FAM174B: variants seen among roughly 807,000 people sequenced by gnomAD.
FAM174B encodes the protein membrane protein FAM174B.
In FAM174B, 12 loss-of-function variants were observed where a neutral mutation model predicts 10.9. That is an observed-to-expected ratio of 1.10 (90% CI 0.71 to 1.79). The LOEUF is 1.79. Among genes scored for constraint, FAM174B ranks in the 40% most tolerant of loss-of-function variants. The probability of loss-of-function intolerance (pLI) is 0.00; values close to 1 mark genes in which losing one functional copy is unlikely to be tolerated. For missense variants in FAM174B, 266 were observed against 233.3 expected (o/e 1.14, Z -0.91); for synonymous variants, 132 against 115.8 (o/e 1.14, Z -0.90).
chr15:92,627,238 C>T (rs886945441), intron 2 of FAM174B: 1 of 153,682 alleles, frequency 6.5e-6, no homozygotes, highest in African/African-American at 2.4e-5. Context: ...CCAACCTGGA[C>T]TTTCAAAACA....
rs768378186 is a variant in FAM174B at position 92,655,308 on chromosome 15, G to A, written c.344+8C>T. ...CGGCGGGGGAAGGAAGAGGGCGGGA[G>A]GGCCCACCTGAAGACGCGCAGCAGC... On this transcript the variant is annotated splice_region_variant and intron_variant, in intron 1 of 2. Transcript: ENST00000327355. The A allele has an allele frequency of 1.4e-5, 21 of 1,552,674 alleles. No individual in the cohort carries two copies. In the African/African-American group the frequency reaches 1.6e-4, roughly 11 times the overall value.
intron 1 of FAM174B, among the ~76,000 whole-genome samples, chr15:92,635,295 G>A (rs2050847951): frequency 6.6e-6 from 1 of 152,018 alleles, no homozygotes; most frequent in South Asian, 2.1e-4. Context: ...ATAATGAGCT[G>A]GAGAAATTAC....
At chr15:92,621,811 A>G (rs777726919) in intron 2 of FAM174B, among the ~76,000 whole-genome samples, 31 of 151,992 alleles carry the variant, frequency 2.0e-4, no homozygotes, top group Non-Finnish European at 4.1e-4. Flanking sequence ...TCGGAGCCCA[A>G]GCACTCACAC....
intron 1 of FAM174B, among the ~76,000 whole-genome samples, chr15:92,652,363 G>A (rs1317809967): frequency 6.6e-6 from 1 of 152,170 alleles, no homozygotes; most frequent in Admixed American, 6.6e-5. Flanking sequence ...TGACAGAGGG[G>A]ACTCCAGGCA....
At chr15:92,635,473 G>T (rs1315840241) in intron 1 of FAM174B, among the ~76,000 whole-genome samples, 1 of 152,138 alleles carries the variant, frequency 6.6e-6, no homozygotes, top group Admixed American at 6.6e-5. Flanking sequence ...GTTGACAAGG[G>T]TCTTCGCGGA....
rs1353334804 is a variant in FAM174B at position 92,647,304 on chromosome 15, C to T, written c.344+8012G>A. 2.0e-5 allele frequency among the ~76,000 whole-genome samples: 3 copies of T among 152,212 alleles called. No homozygotes were observed. In the East Asian group the frequency reaches 5.8e-4, roughly 29 times the overall value. On this transcript the variant is annotated intron_variant, in intron 1 of 2. Coordinates refer to ENST00000327355, the MANE Select transcript of FAM174B (RefSeq NM_207446.3). ...CTAATCGTCCTCCTCCTCCACCATGCCTTCCCAGACCATTCTGGTCCCTGA... is the reference window on the plus strand; with the variant it reads ...CTAATCGTCCTCCTCCTCCACCATGTCTTCCCAGACCATTCTGGTCCCTGA...
intron 1 of FAM174B, 182 bp downstream of exon 1, chr15:92,655,134 G>A (rs1354104347): frequency 2.7e-6 from 2 of 741,204 alleles, no homozygotes; most frequent in South Asian, 3.9e-5. Context: ...CATGTACCAG[G>A]AAAATCCAGA....
rs1048786778 is a variant in FAM174B at position 92,618,573 on chromosome 15, T to A, written c.*883A>T. 1 of 152,662 alleles carries A rather than the reference T, an allele frequency of 6.6e-6. No homozygotes were observed. Among genetic ancestry groups the A allele is most frequent in the African/African-American group, 2.4e-5 (1 of 41,422 alleles). The allele number at this position is 152,662 out of a possible 1,614,324, so 9.5% of individuals were successfully genotyped here. On this transcript the variant is annotated 3_prime_UTR_variant, in exon 3 of 3. Transcript: ENST00000327355. Reference sequence around the variant, plus strand: ...AAATCACCGTTCATTTTTAAAATGGTTTTTAAAAATTACATTTCTAAGGCA... The same window carrying A: ...AAATCACCGTTCATTTTTAAAATGGATTTTAAAAATTACATTTCTAAGGCA...
chr15:92,635,122 C>CTCTG (rs1339651084), intron 1 of FAM174B, among the ~76,000 whole-genome samples: 1 of 28,414 alleles, frequency 3.5e-5, no homozygotes, highest in East Asian at 2.7e-3. Context: ...CTTTCTCTGT[C>CTCTG]TCTCTCTCTC....
rs182571434 is a variant in FAM174B at position 92,647,970 on chromosome 15, A to C, written c.344+7346T>G. ...GGTCTCCACAACCCCCCTTATCTTA[A>C]CTCAAGCATTCCTTTCTATTGACTT... On this transcript the variant is annotated intron_variant, in intron 1 of 2. Transcript: ENST00000327355. Among the ~76,000 whole-genome samples, 33 of 152,178 alleles carry C rather than the reference A, an allele frequency of 2.2e-4. No individual in the cohort carries two copies. In the East Asian group the frequency reaches 4.6e-3, roughly 21 times the overall value.
In FAM174B at chr15:92,655,596, G is replaced by A. The variant is rs1049887474; in HGVS notation, c.64C>T (p.Pro22Ser). The A allele has an allele frequency of 7.8e-7, 1 of 1,280,628 alleles. No individual in the cohort carries two copies. The highest frequency in any genetic ancestry group is 9.8e-7 in the Non-Finnish European group (1 of 1,016,278). 79.3% of individuals were successfully genotyped at this position (1,280,628 alleles called of 1,614,324 possible). ...TCGGCTCTGCTGGCGCGGGCGGCGG[G>A]AGCGGCCAGGAGCGCGAGCAGCAGC... The part of the protein sequence containing the change: ...PLLLLALLAA[P>S]AARASRAESV... Residue 22 changes from proline to serine, a missense_variant, in exon 1 of 3, where the codon CCC becomes TCC. By Grantham distance (74) the Pro-to-Ser change is moderately conservative. Coordinates refer to ENST00000327355, the MANE Select transcript of FAM174B (RefSeq NM_207446.3).
chr15:92,654,798 AAAAGAAG>A (rs1216231935), intron 1 of FAM174B, among the ~76,000 whole-genome samples: 1 of 149,904 alleles, frequency 6.7e-6, no homozygotes, highest in Non-Finnish European at 1.5e-5. Flanking sequence ...AAAAAAAAAA[AAAAGAAG>A]AAGAAGAAGA....
At chr15:92,627,295 C>A (rs2050759623) in intron 2 of FAM174B, 1 of 162,720 alleles carries the variant, frequency 6.1e-6, no homozygotes, top group Non-Finnish European at 1.5e-5. Context: ...AGGTGGTTTA[C>A]CTTTAGTAGT....
At chr15:92,631,688 C>G (rs1220191719) in intron 1 of FAM174B, among the ~76,000 whole-genome samples, 1 of 149,444 alleles carries the variant, frequency 6.7e-6, no homozygotes, top group East Asian at 2.0e-4. Flanking sequence ...TTTGTAGAGA[C>G]AGATTTCGCC....
chr15:92,624,682 G>C (rs1251788075), intron 2 of FAM174B, among the ~76,000 whole-genome samples: 1 of 152,238 alleles, frequency 6.6e-6, no homozygotes, highest in Non-Finnish European at 1.5e-5. Flanking sequence ...CTACCCACAA[G>C]AGGGTGGGAA....
intron 1 of FAM174B, among the ~76,000 whole-genome samples, chr15:92,650,334 C>G (rs961577464): frequency 2.0e-5 from 3 of 152,184 alleles, no homozygotes; most frequent in African/African-American, 7.2e-5. Context: ...CCACTGACAG[C>G]TGGGCAATGT....
intron 1 of FAM174B, among the ~76,000 whole-genome samples, chr15:92,631,229 A>AATATATTATATATTATATATT (rs1426598349): frequency 7.5e-4 from 2 of 2,680 alleles, no homozygotes; most frequent in Non-Finnish European, 9.4e-4. Context: ...TATTATATAT[A>AATATATTATATATTATATATT]ATATATTATA....
intron 1 of FAM174B, among the ~76,000 whole-genome samples, chr15:92,645,898 G>A (rs2050923672): frequency 6.6e-6 from 1 of 152,142 alleles, no homozygotes; most frequent in Admixed American, 6.5e-5. Context: ...TGCTCCCAAT[G>A]CCCCTCCACC....
chr15:92,643,382 A>ATGTG (rs1555421996), intron 1 of FAM174B, among the ~76,000 whole-genome samples: 1 of 37,796 alleles, frequency 2.6e-5, no homozygotes, highest in Non-Finnish European at 1.0e-4. Flanking sequence ...GTGTGTATGC[A>ATGTG]TGTATATATT....
Sources: allele counts gnomAD v4.1 joint callset (sites outside exome capture counted in the v4.1 genomes callset), GRCh38; gene constraint gnomAD v4.1.1; transcripts MANE v1.5; gene names NCBI Gene and HGNC (gene_info 2026-07-23, HGNC 2026-07-21).